Variants in FRAS1 observed in about 807,000 individuals in gnomAD.
FRAS1 encodes the protein Fraser extracellular matrix complex subunit 1, also known as extracellular matrix organizing protein FRAS1.
A neutral mutation model predicts 435.2 loss-of-function variants in FRAS1; 290 were observed. The ratio of observed to expected loss-of-function variants is 0.67; its 90% CI spans 0.61 to 0.73. The LOEUF is 0.73. FRAS1 is among the 30% of genes least tolerant of loss of function. The probability of loss-of-function intolerance (pLI) is 0.00; values close to 1 mark genes in which losing one functional copy is unlikely to be tolerated. For synonymous variants in FRAS1, 1,800 were observed against 1,851.0 expected, an observed-to-expected ratio of 0.97 and a Z score of 0.71; for missense variants, 4,860 against 5,001.5, an observed-to-expected ratio of 0.97 and a Z score of 0.85.
At chr4:78,372,316 C>G (rs1377390402) in intron 23 of FRAS1, among the ~76,000 whole-genome samples, 2 of 152,132 alleles carry the variant, frequency 1.3e-5, no homozygotes, top group Non-Finnish European at 2.9e-5. Flanking sequence ...ATCTCTTTAC[C>G]TATTGAGCAT....
intron 2 of FRAS1, among the ~76,000 whole-genome samples, chr4:78,105,996 T>A (rs1742406802): frequency 1.5e-5 from 2 of 134,174 alleles, no homozygotes; most frequent in South Asian, 4.6e-4. Context: ...CGGATGCACC[T>A]GGAAAATCGG....
At chr4:78,495,039 TAA>T (rs953629851) in intron 59 of FRAS1, among the ~76,000 whole-genome samples, 2 of 152,328 alleles carry the variant, frequency 1.3e-5, no homozygotes, top group African/African-American at 4.8e-5. Flanking sequence ...TTAATATGTA[TAA>T]AGTTATATCT....
At position 78,466,384 on chromosome 4, in the gene FRAS1, T is replaced by C. The variant is rs1452088719; in HGVS notation, c.7206T>C (p.Thr2402=). Residue 2402 remains threonine (T), a synonymous_variant, in exon 50 of 74, where the codon ACT becomes ACC. Transcript: ENST00000512123. Reference sequence around the variant, plus strand: ...CCCTCAAGGACCGGTTCACCTTCACTGTTTCTGATGGGACAAACCCCTTCT... The same window carrying C: ...CCCTCAAGGACCGGTTCACCTTCACCGTTTCTGATGGGACAAACCCCTTCT... The part of the protein sequence containing the change: ...SNSLKDRFTF[T]VSDGTNPFFI... The C allele has an allele frequency of 1.2e-6, 2 of 1,613,770 alleles. No homozygotes were observed. Among genetic ancestry groups the C allele is most frequent in the African/African-American group, 2.7e-5 (2 of 74,892 alleles).
At chr4:78,525,584 A>G (rs1721509281) in intron 69 of FRAS1, among the ~76,000 whole-genome samples, 3 of 152,234 alleles carry the variant, frequency 2.0e-5, no homozygotes, top group Non-Finnish European at 4.4e-5. Context: ...ATAAATAGAT[A>G]AGTATCCCAA....
chr4:78,362,888 T>G (rs1056119189), intron 20 of FRAS1, among the ~76,000 whole-genome samples: 1 of 151,986 alleles, frequency 6.6e-6, no homozygotes, highest in Non-Finnish European at 1.5e-5. Flanking sequence ...AGGATAGGGG[T>G]GGGGCATACC....
chr4:78,333,019 A>G (rs898347858), intron 18 of FRAS1, among the ~76,000 whole-genome samples: 1 of 152,204 alleles, frequency 6.6e-6, no homozygotes, highest in African/African-American at 2.4e-5. Context: ...GAAGCAAGAA[A>G]TGTATGATTC....
At chr4:78,357,778 C>T (rs1197941934) in intron 20 of FRAS1, among the ~76,000 whole-genome samples, 3 of 152,040 alleles carry the variant, frequency 2.0e-5, no homozygotes, top group Non-Finnish European at 4.4e-5. Flanking sequence ...TGGTACACAC[C>T]TATAGGTCCA....
chr4:78,200,353 T>C (rs1401822690), intron 2 of FRAS1, among the ~76,000 whole-genome samples: 1 of 152,228 alleles, frequency 6.6e-6, no homozygotes, highest in Admixed American at 6.5e-5. Context: ...GCCTTAAATT[T>C]TAACACATGC....
chr4:78,191,533 T>A (rs1029482683), intron 2 of FRAS1, among the ~76,000 whole-genome samples: 4 of 37,728 alleles, frequency 1.1e-4, no homozygotes, highest in African/African-American at 2.3e-4. Flanking sequence ...TGTATTATTT[T>A]CTTTTTTTTT....
Position 78,254,666 on chromosome 4 carries a change from T to C in FRAS1, c.470-576T>C, listed in dbSNP as rs1416894537. Among the ~76,000 whole-genome samples the C allele has an allele frequency of 2.0e-5, 3 of 152,302 alleles. No homozygotes were observed. In the East Asian group the frequency reaches 5.8e-4, roughly 29 times the overall value. ...TTTGGACGTATATTTCCTGGAAAGA[T>C]TGGAGGATCAACTGGGGCCAACAAC... On this transcript the variant is annotated intron_variant, in intron 5 of 73. Transcript: ENST00000512123.
At chr4:78,509,807 A>G (rs1037286726) in intron 63 of FRAS1, among the ~76,000 whole-genome samples, 1 of 152,258 alleles carries the variant, frequency 6.6e-6, no homozygotes, top group African/African-American at 2.4e-5. Context: ...AGTATATAGT[A>G]CCTGGCATGT....
At chr4:78,230,821 T>A (rs908609413) in intron 2 of FRAS1, among the ~76,000 whole-genome samples, 4 of 152,266 alleles carry the variant, frequency 2.6e-5, no homozygotes, top group Non-Finnish European at 5.9e-5. Flanking sequence ...GCTACTGTTA[T>A]GTATTTGCTA....
Position 78,301,846 on chromosome 4 carries a change from GTTTTTT to G in FRAS1, c.1535-6202_1535-6197del, listed in dbSNP as rs59794614. ...GTTGTACTTCTGGCCCACAGAAACA[GTTTTTT>G]TTTTTTTTTTTTTTTTTATACTTTA... On this transcript the variant is annotated intron_variant, in intron 14 of 73. Coordinates refer to ENST00000512123, the MANE Select transcript of FRAS1 (RefSeq NM_025074.7). Among the ~76,000 whole-genome samples the G allele has an allele frequency of 3.5e-3, 366 of 103,950 alleles. 2 individuals carry two copies. The highest frequency in any genetic ancestry group is 0.012 in the African/African-American group (333 of 27,138). 68.2% of individuals were successfully genotyped at this position (103,950 alleles called of 152,430 possible). A position where few individuals can be genotyped will look rare whatever the true frequency, so the allele number is the denominator to read the frequency against.
At chr4:78,200,924 A>G (rs1723028098) in intron 2 of FRAS1, among the ~76,000 whole-genome samples, 1 of 136,438 alleles carries the variant, frequency 7.3e-6, no homozygotes, top group South Asian at 2.1e-4. Context: ...TATATGTTAA[A>G]TATATATATT....
chr4:78,124,045 T>A (rs1719188241), intron 2 of FRAS1, among the ~76,000 whole-genome samples: 1 of 152,222 alleles, frequency 6.6e-6, no homozygotes, highest in South Asian at 2.1e-4. Flanking sequence ...TATCCTTGTC[T>A]TGTGCCAGTT....
intron 28 of FRAS1, among the ~76,000 whole-genome samples, chr4:78,386,190 C>T (rs950871151): frequency 1.3e-5 from 2 of 152,114 alleles, no homozygotes; most frequent in African/African-American, 4.8e-5. Context: ...AAACTTTTAT[C>T]ATTTTAAGTC....
At chr4:78,439,756 TAGTA>T (rs1002304633) in intron 40 of FRAS1, among the ~76,000 whole-genome samples, 2 of 152,110 alleles carry the variant, frequency 1.3e-5, no homozygotes, top group African/African-American at 4.8e-5. Context: ...TCAGCCTCCC[TAGTA>T]AGTGAGACTA....
At chr4:78,130,257 C>A (rs879343096) in intron 2 of FRAS1, among the ~76,000 whole-genome samples, 2 of 152,116 alleles carry the variant, frequency 1.3e-5, no homozygotes, top group Non-Finnish European at 2.9e-5. Flanking sequence ...TACTCAGTAT[C>A]TGATATAGCG....
intron 16 of FRAS1, 83 bp downstream of exon 16, chr4:78,315,817 G>T (rs2110232695): frequency 1.4e-6 from 2 of 1,449,578 alleles, no homozygotes. Flanking sequence ...TTGCTAATTT[G>T]GGAACTCGAG....
Sources: gnomAD v4.1 joint callset for allele counts (sites outside exome capture counted in the v4.1 genomes callset) on GRCh38, gnomAD v4.1.1 for gene constraint, MANE v1.5 for transcripts, NCBI Gene and HGNC (gene_info 2026-07-23, HGNC 2026-07-21) for gene names.